The following UBE2D4 variants were observed in gnomAD, a reference collection of about 807,000 sequenced individuals.
The protein encoded by UBE2D4 is ubiquitin conjugating enzyme E2 D4, also known as ubiquitin-conjugating enzyme E2 D4.
Under a neutral mutation model 23.0 loss-of-function variants are expected in UBE2D4, and 17 were observed. That is an observed-to-expected ratio of 0.74 (90% CI 0.51 to 1.11). UBE2D4 has a LOEUF of 1.11. UBE2D4 is among the 50% of genes least tolerant of loss of function. The pLI, the probability that UBE2D4 is intolerant of heterozygous loss-of-function variation, is 0.00. For synonymous variants in UBE2D4, 61 were observed against 69.4 expected, an observed-to-expected ratio of 0.88 and a Z score of 0.60; for missense variants, 139 against 181.8, an observed-to-expected ratio of 0.76 and a Z score of 1.35.
Position 43,954,166 on chromosome 7 carries a change from G to T in UBE2D4, c.*1471G>T, listed in dbSNP as rs2096008715. The T allele has an allele frequency of 6.6e-6, 1 of 150,746 alleles. No individual in the cohort carries two copies. The highest frequency in any genetic ancestry group is 1.5e-5 in the Non-Finnish European group (1 of 67,876). The allele number at this position is 150,746 out of a possible 1,614,324, so 9.3% of individuals were successfully genotyped here. On this transcript the variant is annotated 3_prime_UTR_variant, in exon 7 of 7. Coordinates refer to ENST00000222402, the MANE Select transcript of UBE2D4 (RefSeq NM_015983.4). ...TTTTAACTTGGGCTGCATTCCCTTT[G>T]TGAGGGTCCACATTTAGGATCCTCC...
chr7:43,936,434 C>A (rs62458689), intron 1 of UBE2D4, among the ~76,000 whole-genome samples: 18,969 of 151,968 alleles, frequency 0.12, 1,276 homozygotes, highest in Admixed American at 0.19. Context: ...ATCATTGTTA[C>A]TTGTAATAGT....
chr7:43,937,912 T>C (rs1220212905), intron 1 of UBE2D4, among the ~76,000 whole-genome samples: 1 of 152,122 alleles, frequency 6.6e-6, no homozygotes, highest in East Asian at 1.9e-4. Context: ...TAACCAGTGG[T>C]GACTAGGGTG....
intron 1 of UBE2D4, among the ~76,000 whole-genome samples, 158 bp downstream of exon 1, chr7:43,926,714 G>C (rs181422366): frequency 2.0e-5 from 3 of 152,070 alleles, no homozygotes; most frequent in Non-Finnish European, 4.4e-5. Flanking sequence ...AGCCTGAAAA[G>C]CGAACGCAGC....
At chr7:43,928,686 A>G (rs1157005951) in intron 1 of UBE2D4, among the ~76,000 whole-genome samples, 1 of 152,154 alleles carries the variant, frequency 6.6e-6, no homozygotes, top group Admixed American at 6.5e-5. Flanking sequence ...CCTGGACCAC[A>G]TTGCAGAAGT....
At position 43,952,664 on chromosome 7, in the gene UBE2D4, C is replaced by G. The variant is rs1490188731; in HGVS notation, c.413C>G (p.Ala138Gly). 6.2e-7 allele frequency: 1 copy of G among 1,613,830 alleles called. No individual in the cohort carries two copies. Among genetic ancestry groups the G allele is most frequent in the Non-Finnish European group, 8.5e-7 (1 of 1,179,776 alleles). The change falls in exon 7 of 7, where the codon GCA becomes GGA. Residue 138 changes from alanine to glycine, a missense_variant. Physicochemically the swap from Ala to Gly is moderately conservative, Grantham distance 60. Coordinates refer to ENST00000222402, the MANE Select transcript of UBE2D4 (RefSeq NM_015983.4). ...KADREKYNRL[A>G]REWTQKYAM ...TTTTATTCCAGGTACAACAGACTAGCAAGAGAGTGGACACAAAAATATGCT... is the reference window on the plus strand; with the variant it reads ...TTTTATTCCAGGTACAACAGACTAGGAAGAGAGTGGACACAAAAATATGCT...
intron 4 of UBE2D4, chr7:43,943,760 G>T (rs941547901): frequency 1.3e-5 from 2 of 152,926 alleles, no homozygotes; most frequent in African/African-American, 4.8e-5. Flanking sequence ...CTTGTGCACC[G>T]CAGGTCGTCT....
chr7:43,949,780 G>A (rs1009438691), intron 5 of UBE2D4, among the ~76,000 whole-genome samples: 6 of 152,200 alleles, frequency 3.9e-5, no homozygotes, highest in African/African-American at 1.4e-4. Context: ...GCCACATTGA[G>A]TGCACATCTT....
intron 6 of UBE2D4, 66 bp downstream of exon 6, chr7:43,950,758 G>C: frequency 7.7e-7 from 1 of 1,298,760 alleles, no homozygotes; most frequent in Non-Finnish European, 1.1e-6. Context: ...CAGTACCTGT[G>C]CTCTGAGCTG....
intron 1 of UBE2D4, among the ~76,000 whole-genome samples, chr7:43,935,513 G>T (rs2095956519): frequency 6.6e-6 from 1 of 151,200 alleles, no homozygotes; most frequent in African/African-American, 2.4e-5. Flanking sequence ...CTGTCACTTT[G>T]GCCCTAAAGG....
chr7:43,932,040 G>C lies in UBE2D4; in HGVS notation c.24+5484G>C, dbSNP rs548202291. ...GTCTTGCTCTGTCGCCCAGGCTGGA[G>C]TGCAGTGGCACGATCTCGGCTCACT... is the stretch of plus-strand genomic sequence containing the variant. On this transcript the variant is annotated intron_variant, in intron 1 of 6. Transcript: ENST00000222402. Among the ~76,000 whole-genome samples, 8 of 151,720 alleles carry C rather than the reference G, an allele frequency of 5.3e-5. No individual in the cohort carries two copies. In the East Asian group the frequency reaches 1.6e-3, roughly 30 times the overall value.
At chr7:43,926,747 G>T (rs2095931987) in intron 1 of UBE2D4, among the ~76,000 whole-genome samples, 191 bp downstream of exon 1, 1 of 151,904 alleles carries the variant, frequency 6.6e-6, no homozygotes, top group Non-Finnish European at 1.5e-5. Context: ...TTGCGCGAGC[G>T]CGGGGCGGGG....
intron 6 of UBE2D4, chr7:43,952,117 T>G (rs2096003992): frequency 6.4e-6 from 1 of 156,338 alleles, no homozygotes; most frequent in Admixed American, 6.2e-5. Flanking sequence ...GTGCTTTACA[T>G]ACAGACTTCT....
rs1233037962 is a variant in UBE2D4, at chr7:43,953,783, TA to T, written c.*1092del. The T allele has an allele frequency of 2.0e-5, 3 of 152,672 alleles. No homozygotes were observed. The highest frequency in any genetic ancestry group is 4.8e-5 in the African/African-American group (2 of 41,456). 9.5% of individuals were successfully genotyped at this position (152,672 alleles called of 1,614,324 possible). A position where few individuals can be genotyped will look rare whatever the true frequency, so the allele number is the denominator to read the frequency against. ...CAACAAAGGGAAGAGATTATTCTAA[TA>T]AAACTTCCACAGAGGGAAGAAAATT... On this transcript the variant is annotated 3_prime_UTR_variant, in exon 7 of 7. Transcript: ENST00000222402.
In UBE2D4 at chr7:43,943,005, A is replaced by G; in HGVS notation, c.172A>G (p.Thr58Ala). Reference protein sequence around the residue: ...GVFFLTIHFPTDYPFKPPKVA... With the variant: ...GVFFLTIHFPADYPFKPPKVA... ...TTTCTTCCTGACCATCCACTTTCCT[A>G]CAGATTACCCGTTCAAGCCCCCAAA... is the stretch of plus-strand genomic sequence containing the variant. Residue 58 changes from threonine (T) to alanine (A), a missense_variant, in exon 4 of 7, where the codon ACA (threonine) becomes GCA (alanine). Physicochemically the swap from Thr to Ala is moderately conservative, Grantham distance 58. Coordinates refer to ENST00000222402, the MANE Select transcript of UBE2D4 (RefSeq NM_015983.4). 17 of 1,613,996 alleles carry G rather than the reference A, an allele frequency of 1.1e-5. No homozygotes were observed. The highest frequency in any genetic ancestry group is 1.4e-5 in the Non-Finnish European group (16 of 1,179,992).
At chr7:43,950,534 G>T in intron 5 of UBE2D4, 65 bp from the exon 6 acceptor site, 2 of 1,323,172 alleles carry the variant, frequency 1.5e-6, no homozygotes, top group Non-Finnish European at 2.2e-6. Flanking sequence ...GTTCAGGGAA[G>T]TTTACCCAGG....
At position 43,950,642 on chromosome 7, in the gene UBE2D4, T is replaced by C. The variant is rs1297471164; in HGVS notation, c.348T>C (p.Asp116=). 1.9e-6 allele frequency: 3 copies of C among 1,614,250 alleles called. No individual in the cohort carries two copies. The highest frequency in any genetic ancestry group is 2.5e-6 in the Non-Finnish European group (3 of 1,180,040). ...ICSLLCDPNP[D]DPLVPEIAHT... is the part of the protein sequence containing the mutation. The stretch of plus-strand genomic sequence containing the variant: ...CGCTGCTCTGCGACCCCAACCCCGA[T>C]GACCCCCTGGTGCCAGAGATAGCAC... Residue 116 remains aspartate, a synonymous_variant, in exon 6 of 7, where the codon GAT becomes GAC. Transcript: ENST00000222402.
Position 43,950,523 on chromosome 7 carries a change from A to G in UBE2D4, c.305-76A>G, listed in dbSNP as rs896275044. 8 of 1,109,884 alleles carry G rather than the reference A, an allele frequency of 7.2e-6. No homozygotes were observed. The African/African-American group carries it at 1.1e-4, about 15-fold the overall frequency. 68.8% of individuals were successfully genotyped at this position (1,109,884 alleles called of 1,614,324 possible). On this transcript the variant is annotated intron_variant, in intron 5 of 6. Coordinates refer to ENST00000222402, the MANE Select transcript of UBE2D4 (RefSeq NM_015983.4). ...CTGCTTGGTCAAAATACAGAGTGCA[A>G]GTTCAGGGAAGTTTACCCAGGGGTG...
chr7:43,950,504 G>T (rs528408355), intron 5 of UBE2D4, 95 bp from the exon 6 acceptor site: 4 of 902,332 alleles, frequency 4.4e-6, no homozygotes, highest in Admixed American at 4.0e-5. Flanking sequence ...ACAACTGCTT[G>T]GTCAAAATAC....
chr7:43,930,055 C>G (rs144988152), intron 1 of UBE2D4, among the ~76,000 whole-genome samples: 150 of 152,344 alleles, frequency 9.8e-4, no homozygotes, highest in African/African-American at 3.5e-3. Flanking sequence ...ACACAGCCTG[C>G]TGGACATCTG....
Sources: allele counts gnomAD v4.1 joint callset (sites outside exome capture counted in the v4.1 genomes callset), GRCh38; gene constraint gnomAD v4.1.1; transcripts MANE v1.5; gene names NCBI Gene and HGNC (gene_info 2026-07-23, HGNC 2026-07-21).